TLE4: variants seen among roughly 807,000 people sequenced by gnomAD.
TLE4 encodes transducin-like enhancer protein 4.
TLE4 carries 8 observed loss-of-function variants against 92.8 expected under a neutral mutation model. The observed-to-expected ratio is 0.09, with a 90% CI of 0.05 to 0.16. The LOEUF is 0.16. Ranked by LOEUF, TLE4 falls within the 10% of genes least tolerant of loss-of-function variation. The pLI is 1.00. For missense variants in TLE4, 675 were observed against 997.6 expected, an observed-to-expected ratio of 0.68 and a Z score of 4.36; for synonymous variants, 371 against 374.1, an observed-to-expected ratio of 0.99 and a Z score of 0.10.
intron 4 of TLE4, among the ~76,000 whole-genome samples, chr9:79,606,991 A>T (rs2047164640): frequency 1.3e-5 from 2 of 151,762 alleles, no homozygotes; most frequent in South Asian, 4.2e-4. Context: ...ACACTCCCAC[A>T]CAGTGTAAAA....
intron 18 of TLE4, 109 bp from the exon 19 acceptor site, chr9:79,722,850 T>C: frequency 9.0e-7 from 1 of 1,107,412 alleles, no homozygotes; most frequent in East Asian, 2.5e-5. Context: ...AAAGTTATTT[T>C]TTACAAATGG....
In TLE4 at chr9:79,715,526, A is replaced by G. The variant is rs139695907; in HGVS notation, c.1341-3196A>G. Among the ~76,000 whole-genome samples the G allele has an allele frequency of 7.6e-3, 1,159 of 152,148 alleles. 9 individuals are homozygous for G. Among genetic ancestry groups the G allele is most frequent in the Middle Eastern group, 0.02 (6 of 294 alleles). The stretch of plus-strand genomic sequence containing the variant: ...GACCTCAGCACCAGCGGTGGGGTTA[A>G]TAACAGCTGTGGTTGCCACCCCTTC... On this transcript the variant is annotated intron_variant, in intron 14 of 19. Coordinates refer to ENST00000376552, the MANE Select transcript of TLE4 (RefSeq NM_007005.6).
At chr9:79,715,123 A>T (rs963246485) in intron 14 of TLE4, among the ~76,000 whole-genome samples, 7 of 152,150 alleles carry the variant, frequency 4.6e-5, no homozygotes, top group Non-Finnish European at 1.5e-5. Flanking sequence ...TGTTGAGGTG[A>T]AGGCTGTCCT....
chr9:79,632,970 T>C (rs1174139155), intron 6 of TLE4, among the ~76,000 whole-genome samples: 1 of 152,226 alleles, frequency 6.6e-6, no homozygotes, highest in African/African-American at 2.4e-5. Flanking sequence ...ATCAAACACA[T>C]GGCAGGAACA....
At chr9:79,714,617 C>G (rs1361644613) in intron 14 of TLE4, among the ~76,000 whole-genome samples, 1 of 152,200 alleles carries the variant, frequency 6.6e-6, no homozygotes, top group Non-Finnish European at 1.5e-5. Context: ...CATAAACTTT[C>G]TTTCCTTTTC....
intron 4 of TLE4, among the ~76,000 whole-genome samples, chr9:79,588,109 A>G (rs994511806): frequency 2.1e-5 from 3 of 144,532 alleles, no homozygotes; most frequent in Admixed American, 1.4e-4. Flanking sequence ...ATAAGTGACT[A>G]TGGTAAACTT....
intron 4 of TLE4, among the ~76,000 whole-genome samples, chr9:79,588,444 C>T (rs930406953): frequency 1.1e-4 from 17 of 152,248 alleles, no homozygotes; most frequent in Admixed American, 2.6e-4. Context: ...CCACCGCGCC[C>T]GGCCTATCCT....
chr9:79,666,955 G>A (rs1332541688), intron 8 of TLE4, among the ~76,000 whole-genome samples: 2 of 152,248 alleles, frequency 1.3e-5, no homozygotes, highest in Non-Finnish European at 2.9e-5. Context: ...ACACCTTAGT[G>A]ATAACCTGAA....
chr9:79,708,464 T>C, intron 12 of TLE4, 129 bp from the exon 13 acceptor site: 12 of 1,138,064 alleles, frequency 1.1e-5, no homozygotes, highest in Non-Finnish European at 1.5e-5. Flanking sequence ...TCTGAAGGCT[T>C]GAATGACTTT....
intron 5 of TLE4, among the ~76,000 whole-genome samples, chr9:79,613,751 A>G (rs2048889192): frequency 6.6e-6 from 1 of 152,092 alleles, no homozygotes; most frequent in Admixed American, 6.5e-5. Context: ...TATGTGGCCA[A>G]TATTTGAGCC....
intron 8 of TLE4, among the ~76,000 whole-genome samples, chr9:79,678,095 AGT>A (rs2063625726): frequency 6.6e-6 from 1 of 152,156 alleles, no homozygotes; most frequent in African/African-American, 2.4e-5. Flanking sequence ...TAAAGAAATT[AGT>A]AGATATGTGA....
intron 8 of TLE4, among the ~76,000 whole-genome samples, chr9:79,679,537 T>C (rs2064013711): frequency 6.6e-6 from 1 of 152,218 alleles, no homozygotes; most frequent in African/African-American, 2.4e-5. Flanking sequence ...GATGAGTAGG[T>C]TGAGAAAATT....
intron 4 of TLE4, among the ~76,000 whole-genome samples, chr9:79,589,712 C>T (rs2042067665): frequency 6.6e-6 from 1 of 152,100 alleles, no homozygotes; most frequent in Non-Finnish European, 1.5e-5. Flanking sequence ...TGGGCATTCT[C>T]AGTCATTTTA....
chr9:79,576,863 T>G (rs1028058147), intron 4 of TLE4: 6 of 151,876 alleles, frequency 4.0e-5, no homozygotes, highest in African/African-American at 1.2e-4. Flanking sequence ...TCAAACAGTC[T>G]TCTTTTTGTG....
At chr9:79,651,425 C>T (rs1398728070) in intron 6 of TLE4, among the ~76,000 whole-genome samples, 1 of 152,154 alleles carries the variant, frequency 6.6e-6, no homozygotes, top group Non-Finnish European at 1.5e-5. Context: ...CACACCCATT[C>T]CAGCCTCTTG....
At chr9:79,718,698 C>CT (rs1382881269) in intron 14 of TLE4, 24 bp from the exon 15 acceptor site, 2 of 1,592,910 alleles carry the variant, frequency 1.3e-6, no homozygotes, top group Non-Finnish European at 1.7e-6. Context: ...TCCCCTCTTT[C>CT]TTTTTTCCTC....
intron 5 of TLE4, among the ~76,000 whole-genome samples, chr9:79,620,453 G>A (rs2050681887): frequency 6.6e-6 from 1 of 152,154 alleles, no homozygotes; most frequent in Non-Finnish European, 1.5e-5. Context: ...CTGTCCCCAT[G>A]TAAGTGAGAG....
intron 5 of TLE4, among the ~76,000 whole-genome samples, chr9:79,617,022 C>T (rs2049810152): frequency 6.6e-6 from 1 of 152,202 alleles, no homozygotes. Context: ...TCCCCACCTG[C>T]TCTTTTCCTA....
intron 8 of TLE4, among the ~76,000 whole-genome samples, chr9:79,663,015 C>T (rs994841943): frequency 1.4e-5 from 2 of 143,560 alleles, no homozygotes; most frequent in Admixed American, 6.9e-5. Context: ...CTCTGAGAGT[C>T]GTGACATTTG....
Sources: allele counts gnomAD v4.1 joint callset (sites outside exome capture counted in the v4.1 genomes callset), GRCh38; gene constraint gnomAD v4.1.1; transcripts MANE v1.5; gene names NCBI Gene and HGNC (gene_info 2026-07-23, HGNC 2026-07-21).